WWTR1: variants seen among roughly 807,000 people sequenced by gnomAD.
WWTR1 encodes WW domain-containing transcription regulator protein 1.
WWTR1 carries 13 observed loss-of-function variants against 40.1 expected under a neutral mutation model. The ratio of observed to expected loss-of-function variants is 0.32; its 90% CI spans 0.21 to 0.52. WWTR1 has a LOEUF of 0.52. WWTR1 is among the 20% of genes least tolerant of loss of function. The pLI, the probability that WWTR1 is intolerant of heterozygous loss-of-function variation, is 0.97. For synonymous variants in WWTR1, 230 were observed against 210.1 expected (o/e 1.09, Z -0.82); for missense variants, 436 against 523.1 (o/e 0.83, Z 1.63).
At position 149,572,855 on chromosome 3, in the gene WWTR1, G is replaced by T; in HGVS notation, c.568+9C>A. 6.2e-7 allele frequency: 1 copy of T among 1,613,402 alleles called. No homozygotes were observed. The highest frequency in any genetic ancestry group is 1.1e-5 in the South Asian group (1 of 90,870). The stretch of plus-strand genomic sequence containing the variant: ...ATCTTTTTTAATTTTAAAAAAGCTT[G>T]AGGCTTACCGAGATTTGGCTGGGAT... On this transcript the variant is annotated intron_variant, in intron 3 of 6. Transcript: ENST00000360632.
At chr3:149,523,114 G>T (rs553639042) in intron 6 of WWTR1, among the ~76,000 whole-genome samples, 1 of 151,792 alleles carries the variant, frequency 6.6e-6, no homozygotes, top group Admixed American at 6.6e-5. Flanking sequence ...AGGATGGAAG[G>T]CATGAGGATA....
chr3:149,587,324 T>C (rs916688772), intron 2 of WWTR1, among the ~76,000 whole-genome samples: 1 of 152,136 alleles, frequency 6.6e-6, no homozygotes, highest in Non-Finnish European at 1.5e-5. Flanking sequence ...ATTTTTTTTT[T>C]CCCTTCAGAC....
At chr3:149,540,276 G>T in intron 4 of WWTR1, 2 of 456,688 alleles carry the variant, frequency 4.4e-6, no homozygotes, top group South Asian at 3.1e-5. Flanking sequence ...TAAGGAACTT[G>T]GTTGGCATTT....
At chr3:149,701,745 G>C (rs1343457626) in intron 1 of WWTR1, 1 of 174,770 alleles carries the variant, frequency 5.7e-6, no homozygotes, top group East Asian at 9.7e-5. Flanking sequence ...ACCGTAAGCT[G>C]TTTAAGTTGA....
chr3:149,666,206 T>C (rs1004164444), intron 2 of WWTR1, among the ~76,000 whole-genome samples: 1 of 144,788 alleles, frequency 6.9e-6, no homozygotes, highest in Non-Finnish European at 1.5e-5. Context: ...TGGGCTCTAC[T>C]ATTATCTCTC....
chr3:149,556,915 T>C (rs1736852790), intron 3 of WWTR1, among the ~76,000 whole-genome samples: 1 of 152,134 alleles, frequency 6.6e-6, no homozygotes. Flanking sequence ...AATGTTATCC[T>C]TGAATCAAAA....
At chr3:149,635,625 G>A (rs936359561) in intron 2 of WWTR1, among the ~76,000 whole-genome samples, 1 of 151,644 alleles carries the variant, frequency 6.6e-6, no homozygotes, top group Non-Finnish European at 1.5e-5. Context: ...GAGGAGGAAG[G>A]AGAAAGGAGG....
At chr3:149,530,143 C>T (rs1735498677) in intron 4 of WWTR1, among the ~76,000 whole-genome samples, 1 of 151,992 alleles carries the variant, frequency 6.6e-6, no homozygotes, top group African/African-American at 2.4e-5. Flanking sequence ...GTCAGGAGAT[C>T]AAGACCACCC....
intron 2 of WWTR1, among the ~76,000 whole-genome samples, chr3:149,647,175 A>C (rs1377802552): frequency 6.6e-6 from 1 of 152,210 alleles, no homozygotes; most frequent in Admixed American, 6.5e-5. Context: ...AAACAAAAAA[A>C]CTAGTGCTCT....
chr3:149,661,889 C>T (rs1431313756), upstream of WWTR1, among the ~76,000 whole-genome samples: 3 of 152,090 alleles, frequency 2.0e-5, no homozygotes, highest in African/African-American at 4.8e-5. Flanking sequence ...CCCACCACCA[C>T]ACCTGGCTAA....
chr3:149,537,231 C>A (rs1735879379), intron 4 of WWTR1, among the ~76,000 whole-genome samples: 2 of 152,096 alleles, frequency 1.3e-5, no homozygotes, highest in Admixed American at 1.3e-4. Context: ...TTATGTACGG[C>A]CTGTTGTAGA....
intron 2 of WWTR1, among the ~76,000 whole-genome samples, chr3:149,665,060 A>T (rs941641252): frequency 1.3e-5 from 2 of 152,116 alleles, no homozygotes; most frequent in African/African-American, 4.8e-5. Flanking sequence ...AATATTTTTA[A>T]ATGGGAAATA....
intron 3 of WWTR1, among the ~76,000 whole-genome samples, chr3:149,564,626 A>C (rs1444070454): frequency 6.6e-6 from 1 of 152,158 alleles, no homozygotes; most frequent in Non-Finnish European, 1.5e-5. Flanking sequence ...TGACTTACTC[A>C]ACACATTTAT....
intron 2 of WWTR1, among the ~76,000 whole-genome samples, chr3:149,584,867 G>C (rs529638184): frequency 2.5e-4 from 38 of 152,106 alleles, no homozygotes; most frequent in Non-Finnish European, 4.6e-4. Context: ...AGGCTGTTTT[G>C]AGAATTTCAT....
chr3:149,527,804 T>C (rs1479010643), intron 5 of WWTR1, 32 bp downstream of exon 5: 1 of 1,612,860 alleles, frequency 6.2e-7, no homozygotes, highest in South Asian at 1.1e-5. Flanking sequence ...ATAAAGAGAA[T>C]AAAAATAAGT....
rs925236967 is a variant in WWTR1 at position 149,530,072 on chromosome 3, G to A, written c.772-2103C>T. 7.9e-5 allele frequency among the ~76,000 whole-genome samples: 12 copies of A among 152,252 alleles called. 1 individual carries two copies. Among genetic ancestry groups the A allele is most frequent in the Admixed American group, 5.2e-4 (8 of 15,298 alleles). On this transcript the variant is annotated intron_variant, in intron 4 of 6. Transcript: ENST00000360632. ...TGTCTTAAGAATACAAGTTGAGGCC[G>A]GGCGGTGGCTCACACCTGTAATCCC...
intron 2 of WWTR1, among the ~76,000 whole-genome samples, chr3:149,663,932 T>C (rs1713696796): frequency 6.6e-6 from 1 of 152,234 alleles, no homozygotes; most frequent in Non-Finnish European, 1.5e-5. Context: ...TCTTTTTGTT[T>C]CTCCCATGCC....
intron 2 of WWTR1, among the ~76,000 whole-genome samples, chr3:149,574,196 C>T (rs144951791): frequency 3.2e-4 from 48 of 152,062 alleles, no homozygotes; most frequent in Non-Finnish European, 5.9e-4. Flanking sequence ...ACACCTGGCT[C>T]ATTTTTTTTA....
intron 3 of WWTR1, among the ~76,000 whole-genome samples, chr3:149,554,290 C>T (rs918473500): frequency 2.6e-5 from 4 of 152,236 alleles, no homozygotes; most frequent in Non-Finnish European, 4.4e-5. Context: ...CTTAAAACCA[C>T]TTCCAGGTGC....
Sources: allele counts gnomAD v4.1 joint callset (sites outside exome capture counted in the v4.1 genomes callset), GRCh38; gene constraint gnomAD v4.1.1; transcripts MANE v1.5; gene names NCBI Gene and HGNC (gene_info 2026-07-23, HGNC 2026-07-21).